NRCAM: variants seen among roughly 807,000 people sequenced by gnomAD.
NRCAM encodes the protein neuronal cell adhesion molecule, also known as NgCAM-related cell adhesion molecule.
A neutral mutation model predicts 156.5 loss-of-function variants in NRCAM; 83 were observed. The observed-to-expected ratio is 0.53, with a 90% CI of 0.44 to 0.64. The LOEUF is 0.64. Among genes scored for constraint, NRCAM ranks in the 30% least tolerant of loss-of-function variants. The pLI is 0.00. For missense variants in NRCAM, 1,417 were observed against 1,597.3 expected, an observed-to-expected ratio of 0.89 and a Z score of 1.92; for synonymous variants, 538 against 563.9, an observed-to-expected ratio of 0.95 and a Z score of 0.65.
intron 3 of NRCAM, among the ~76,000 whole-genome samples, chr7:108,280,006 C>T (rs948009178): frequency 2.0e-5 from 3 of 152,164 alleles, no homozygotes; most frequent in Non-Finnish European, 2.9e-5. Context: ...CTGCACACTC[C>T]GCTTCAGCAG....
At position 108,200,035 on chromosome 7, in the gene NRCAM, G is replaced by A. The variant is rs185080615; in HGVS notation, c.1208-1936C>T. Reference sequence around the variant, plus strand: ...AGTTACTCCTCATGGACTGATTAACGTCTTCATTCCCAAGGAAAAATGTAA... The same window carrying A: ...AGTTACTCCTCATGGACTGATTAACATCTTCATTCCCAAGGAAAAATGTAA... On this transcript the variant is annotated intron_variant, in intron 13 of 32. Coordinates refer to ENST00000379028, the MANE Select transcript of NRCAM (RefSeq NM_001037132.4). 4.6e-5 allele frequency among the ~76,000 whole-genome samples: 7 copies of A among 152,142 alleles called. No homozygotes were observed. The South Asian group carries it at 1.0e-3, about 23-fold the overall frequency.
chr7:108,235,422 T>G (rs1268458426), intron 5 of NRCAM, among the ~76,000 whole-genome samples: 1 of 152,214 alleles, frequency 6.6e-6, no homozygotes, highest in African/African-American at 2.4e-5. Flanking sequence ...CTCTTCAAAT[T>G]GTTCTAAAAT....
intron 1 of NRCAM, among the ~76,000 whole-genome samples, chr7:108,411,804 T>C (rs1795728059): frequency 6.6e-6 from 1 of 152,182 alleles, no homozygotes; most frequent in Non-Finnish European, 1.5e-5. Context: ...GTGCTGGTAT[T>C]ACAGGCATAA....
At chr7:108,406,149 T>A (rs2099806899) in intron 1 of NRCAM, among the ~76,000 whole-genome samples, 1 of 151,592 alleles carries the variant, frequency 6.6e-6, no homozygotes, top group Non-Finnish European at 1.5e-5. Context: ...GCTTAGGTGG[T>A]CCAAAGGAGA....
intron 5 of NRCAM, among the ~76,000 whole-genome samples, chr7:108,237,476 T>G (rs2095170619): frequency 6.6e-6 from 1 of 152,210 alleles, no homozygotes; most frequent in South Asian, 2.1e-4. Context: ...ATTTTCTCAT[T>G]GAGTTACATC....
chr7:108,210,660 T>C (rs1296098009), intron 11 of NRCAM, among the ~76,000 whole-genome samples: 1 of 152,238 alleles, frequency 6.6e-6, no homozygotes, highest in South Asian at 2.1e-4. Flanking sequence ...CTGATCTTTT[T>C]GAGGCTTAGT....
At chr7:108,156,641 A>G (rs965496416) in intron 32 of NRCAM, 1 of 152,520 alleles carries the variant, frequency 6.6e-6, no homozygotes, top group Admixed American at 6.6e-5. Flanking sequence ...CGGTTTCATC[A>G]TCAAACTGGA....
chr7:108,339,248 G>T (rs1461134073), intron 2 of NRCAM, among the ~76,000 whole-genome samples: 1 of 152,122 alleles, frequency 6.6e-6, no homozygotes. Context: ...CCAGGTGAAT[G>T]AGAAAAAAAT....
chr7:108,381,399 T>C (rs1270564115), intron 2 of NRCAM, among the ~76,000 whole-genome samples: 1 of 152,172 alleles, frequency 6.6e-6, no homozygotes, highest in African/African-American at 2.4e-5. Flanking sequence ...ATATCTTGCC[T>C]GGGAGATAAA....
chr7:108,444,590 C>A (rs1842390380), intron 1 of NRCAM, among the ~76,000 whole-genome samples: 1 of 152,118 alleles, frequency 6.6e-6, no homozygotes, highest in South Asian at 2.1e-4. Context: ...ATGCATCTCT[C>A]CTGGCTTCTA....
At chr7:108,409,788 C>T (rs1027154229) in intron 1 of NRCAM, among the ~76,000 whole-genome samples, 2 of 152,188 alleles carry the variant, frequency 1.3e-5, no homozygotes, top group African/African-American at 4.8e-5. Context: ...AAGCTGTGAA[C>T]ACAAGGTTAT....
intron 11 of NRCAM, 49 bp downstream of exon 11, chr7:108,223,676 A>G (rs199879903): frequency 7.2e-4 from 668 of 924,800 alleles, no homozygotes; most frequent in Non-Finnish European, 1.1e-3. Flanking sequence ...CTACCAACCT[A>G]CTATATTTTT....
chr7:108,302,203 G>A (rs768354689), intron 3 of NRCAM, among the ~76,000 whole-genome samples: 1 of 152,094 alleles, frequency 6.6e-6, no homozygotes, highest in African/African-American at 2.4e-5. Context: ...GGAATGCTAT[G>A]TACTGTTTTC....
At chr7:108,383,935 T>C (rs2099720860) in intron 2 of NRCAM, among the ~76,000 whole-genome samples, 1 of 152,140 alleles carries the variant, frequency 6.6e-6, no homozygotes, top group Admixed American at 6.6e-5. Flanking sequence ...TTTGAAGTGG[T>C]GCATTTGGTT....
intron 1 of NRCAM, among the ~76,000 whole-genome samples, chr7:108,415,142 A>G (rs79926527): frequency 0.049 from 7,401 of 152,284 alleles, 375 homozygotes; most frequent in African/African-American, 0.13. Context: ...AGCACAAGGA[A>G]TCTGGGGGAA....
intron 2 of NRCAM, among the ~76,000 whole-genome samples, chr7:108,349,691 CT>C (rs2099397713): frequency 6.6e-6 from 1 of 152,090 alleles, no homozygotes; most frequent in East Asian, 1.9e-4. Flanking sequence ...TTTGATACCA[CT>C]TTTGAATAAA....
chr7:108,259,608 G>A lies in NRCAM; in HGVS notation c.-106-19438C>T, dbSNP rs2096815046. Among the ~76,000 whole-genome samples the A allele has an allele frequency of 2.6e-5, 4 of 152,182 alleles. No homozygotes were observed. The South Asian group carries it at 8.3e-4, about 31-fold the overall frequency. ...GGAATCAACCCAAATGTCCATCAGT[G>A]ATAGATCGGATAAAGAAAATGTGGT... is the stretch of plus-strand genomic sequence containing the variant. On this transcript the variant is annotated intron_variant, in intron 3 of 32. Transcript: ENST00000379028.
At chr7:108,171,336 T>C (rs1162326122) in intron 28 of NRCAM, among the ~76,000 whole-genome samples, 1 of 152,216 alleles carries the variant, frequency 6.6e-6, no homozygotes, top group Non-Finnish European at 1.5e-5. Context: ...ACAAATTCCT[T>C]AGCAAAGCAT....
At chr7:108,156,466 C>A in intron 32 of NRCAM, 1 of 976,912 alleles carries the variant, frequency 1.0e-6, no homozygotes, top group Admixed American at 6.2e-5. Context: ...ATTAAAGAAA[C>A]AAACAAAGAA....
Sources: allele counts gnomAD v4.1 joint callset (sites outside exome capture counted in the v4.1 genomes callset), GRCh38; gene constraint gnomAD v4.1.1; transcripts MANE v1.5; gene names NCBI Gene and HGNC (gene_info 2026-07-23, HGNC 2026-07-21).